The following BCAS1 variants were observed in gnomAD, a reference collection of about 807,000 sequenced individuals.
BCAS1 encodes the protein brain enriched myelin associated protein 1, also known as breast carcinoma-amplified sequence 1.
BCAS1 carries 46 observed loss-of-function variants against 65.4 expected under a neutral mutation model. The ratio of observed to expected loss-of-function variants is 0.70; its 90% CI spans 0.55 to 0.90. The LOEUF (loss-of-function observed/expected upper bound fraction) is 0.90, where lower values mean the gene tolerates loss of function less well. Ranked by LOEUF, BCAS1 falls within the 40% of genes least tolerant of loss-of-function variation. The probability of loss-of-function intolerance (pLI) is 0.00; values close to 1 mark genes in which losing one functional copy is unlikely to be tolerated. For synonymous variants in BCAS1, 298 were observed against 293.5 expected (o/e 1.02, Z -0.16); for missense variants, 793 against 771.2 (o/e 1.03, Z -0.33).
rs543681920 is a variant in BCAS1 at position 54,017,679 on chromosome 20, A to G, written c.723+10713T>C. On this transcript the variant is annotated intron_variant, in intron 4 of 12. Coordinates refer to ENST00000688948, the MANE Select transcript of BCAS1 (RefSeq NM_001366298.2). ...CCAAACTGCTGAAATTATAGGTGTGAGCCACCACGCCCGGCCAATATGTGT... is the reference window on the plus strand; with the variant it reads ...CCAAACTGCTGAAATTATAGGTGTGGGCCACCACGCCCGGCCAATATGTGT... Among the ~76,000 whole-genome samples, 141 of 152,170 alleles carry G rather than the reference A, an allele frequency of 9.3e-4. 1 individual carries two copies. Among genetic ancestry groups the G allele is most frequent in the African/African-American group, 3.2e-3 (131 of 41,516 alleles).
chr20:54,016,528 C>T (rs2091442551), intron 4 of BCAS1, among the ~76,000 whole-genome samples: 2 of 152,150 alleles, frequency 1.3e-5, no homozygotes, highest in Non-Finnish European at 2.9e-5. Context: ...ACCCTCCTGA[C>T]CTATCAATCA....
At chr20:53,994,426 T>C (rs968090428) in intron 6 of BCAS1, among the ~76,000 whole-genome samples, 1 of 152,252 alleles carries the variant, frequency 6.6e-6, no homozygotes, top group Admixed American at 6.5e-5. Context: ...CTCTCTAGCG[T>C]GTCCTAACGC....
chr20:54,025,563 G>T (rs1046281198), intron 4 of BCAS1, among the ~76,000 whole-genome samples: 3 of 152,192 alleles, frequency 2.0e-5, no homozygotes, highest in African/African-American at 7.2e-5. Context: ...CCCCCAGGAT[G>T]AAATGGTGGC....
At chr20:54,029,201 G>T in intron 3 of BCAS1, 1 of 985,422 alleles carries the variant, frequency 1.0e-6, no homozygotes, top group African/African-American at 1.7e-5. Context: ...TTAATGGAAA[G>T]TCACTAGCTG....
At chr20:54,009,330 C>G (rs1261267181) in intron 4 of BCAS1, among the ~76,000 whole-genome samples, 3 of 152,018 alleles carry the variant, frequency 2.0e-5, no homozygotes, top group Non-Finnish European at 4.4e-5. Context: ...GAAGCAGCAG[C>G]AAAAACCTCT....
chr20:54,010,208 A>G (rs2091289701), intron 4 of BCAS1, among the ~76,000 whole-genome samples: 1 of 152,178 alleles, frequency 6.6e-6, no homozygotes, highest in South Asian at 2.1e-4. Context: ...TGTATTCTAC[A>G]TAGTAGTGGA....
intron 3 of BCAS1, among the ~76,000 whole-genome samples, chr20:54,057,506 T>C (rs1263553680): frequency 6.6e-6 from 1 of 152,232 alleles, no homozygotes; most frequent in Non-Finnish European, 1.5e-5. Flanking sequence ...GTTTTCACTC[T>C]ATTGCTTTTA....
intron 5 of BCAS1, among the ~76,000 whole-genome samples, chr20:53,995,687 G>A (rs1448012340): frequency 6.6e-6 from 1 of 152,160 alleles, no homozygotes; most frequent in Non-Finnish European, 1.5e-5. Context: ...TTATACCATG[G>A]TTCCGAGCTT....
At chr20:54,049,945 G>A (rs986416523) in intron 3 of BCAS1, among the ~76,000 whole-genome samples, 1 of 152,150 alleles carries the variant, frequency 6.6e-6, no homozygotes, top group African/African-American at 2.4e-5. Flanking sequence ...TCCGATTGCT[G>A]TAATGAATTA....
At chr20:54,045,665 C>T (rs1277226347) in intron 3 of BCAS1, among the ~76,000 whole-genome samples, 1 of 152,196 alleles carries the variant, frequency 6.6e-6, no homozygotes, top group Non-Finnish European at 1.5e-5. Context: ...AAACAGTCAA[C>T]AAACTTAAAA....
rs11473382 is a variant in BCAS1, at chr20:53,994,916, CATAT to C, written c.927+92_927+95del. 80 of 911,580 alleles carry C rather than the reference CATAT, an allele frequency of 8.8e-5. No homozygotes were observed. The African/African-American group carries it at 1.4e-3, about 16-fold the overall frequency. 56.5% of individuals were successfully genotyped at this position (911,580 alleles called of 1,614,324 possible). On this transcript the variant is annotated intron_variant, in intron 6 of 12. Transcript: ENST00000688948. ...ACACACACACACACACACACACACA[CATAT>C]ATGTATTCAAAAAACAAGCAGGCAG...
intron 3 of BCAS1, among the ~76,000 whole-genome samples, chr20:54,043,452 T>C (rs941393919): frequency 1.3e-5 from 2 of 152,178 alleles, no homozygotes; most frequent in East Asian, 3.8e-4. Flanking sequence ...ACAGTGTTTA[T>C]ATTTTTTTGA....
At chr20:54,005,178 A>ACATTGTCTTTTTATT (rs201534054) in intron 4 of BCAS1, among the ~76,000 whole-genome samples, 24,172 of 152,100 alleles carry the variant, frequency 0.16, 2,297 homozygotes, top group East Asian at 0.28. Flanking sequence ...AAGTGAGGCT[A>ACATTGTCTTTTTATT]AGCACAGTGG....
chr20:54,001,507 T>C (rs930990576), intron 4 of BCAS1, among the ~76,000 whole-genome samples: 4 of 152,186 alleles, frequency 2.6e-5, no homozygotes, highest in African/African-American at 9.7e-5. Context: ...ATTACTGCTG[T>C]AAAACCTAAT....
intron 3 of BCAS1, among the ~76,000 whole-genome samples, chr20:54,045,957 T>C (rs1243555932): frequency 2.6e-5 from 4 of 152,162 alleles, no homozygotes; most frequent in Non-Finnish European, 5.9e-5. Flanking sequence ...GGTTGTTAGC[T>C]TGGGTGTCCT....
At chr20:54,008,423 G>A (rs376689690) in intron 4 of BCAS1, among the ~76,000 whole-genome samples, 3 of 152,160 alleles carry the variant, frequency 2.0e-5, no homozygotes, top group Admixed American at 6.5e-5. Flanking sequence ...TGGAGTTAGC[G>A]TCAGCCAGTG....
At chr20:54,029,106 A>C in intron 3 of BCAS1, 134 bp from the exon 4 acceptor site, 3 of 1,438,502 alleles carry the variant, frequency 2.1e-6, no homozygotes, top group Non-Finnish European at 2.7e-6. Flanking sequence ...TCATTCTGAA[A>C]GGCAGAAGTT....
In BCAS1 at chr20:54,030,617, C is replaced by T. The variant is rs944974200; in HGVS notation, c.143-1645G>A. 1.2e-4 allele frequency among the ~76,000 whole-genome samples: 17 copies of T among 142,304 alleles called. 1 individual carries two copies. The highest frequency in any genetic ancestry group is 4.2e-4 in the African/African-American group (17 of 40,670). The allele number at this position is 142,304 out of a possible 152,430, so 93.4% of individuals were successfully genotyped here. On this transcript the variant is annotated intron_variant, in intron 3 of 12. Transcript: ENST00000688948. ...AAATACATACACACACACATACACA[C>T]ACATGCATCCATTAGCAATTGTTTT...
intron 3 of BCAS1, among the ~76,000 whole-genome samples, chr20:54,043,322 T>C (rs920693311): frequency 6.7e-6 from 1 of 149,632 alleles, no homozygotes; most frequent in Non-Finnish European, 1.5e-5. Flanking sequence ...ATGATGATGA[T>C]GATGATGACG....
Sources: gnomAD v4.1 joint callset for allele counts (sites outside exome capture counted in the v4.1 genomes callset) on GRCh38, gnomAD v4.1.1 for gene constraint, MANE v1.5 for transcripts, NCBI Gene and HGNC (gene_info 2026-07-23, HGNC 2026-07-21) for gene names.